CSMD1: variants seen among roughly 807,000 people sequenced by gnomAD.
CSMD1 encodes CUB and sushi domain-containing protein 1.
In CSMD1, 213 loss-of-function variants were observed where a neutral mutation model predicts 417.5. The ratio of observed to expected loss-of-function variants is 0.51; its 90% CI spans 0.46 to 0.57. CSMD1 has a LOEUF of 0.57. Ranked by LOEUF, CSMD1 falls within the 20% of genes least tolerant of loss-of-function variation. The pLI, the probability that CSMD1 is intolerant of heterozygous loss-of-function variation, is 0.00. For synonymous variants in CSMD1, 2,862 were observed against 1,736.8 expected, an observed-to-expected ratio of 1.65 and a Z score of -16.11; for missense variants, 6,923 against 4,529.7, an observed-to-expected ratio of 1.53 and a Z score of -15.17.
chr8:4,171,262 A>C (rs1797749915), intron 3 of CSMD1, among the ~76,000 whole-genome samples: 1 of 151,778 alleles, frequency 6.6e-6, no homozygotes, highest in African/African-American at 2.4e-5. Flanking sequence ...AGTTTTCCTA[A>C]CTCATTCATT....
At chr8:3,150,275 CCTA>C (rs1261816450) in intron 40 of CSMD1, among the ~76,000 whole-genome samples, 3 of 152,216 alleles carry the variant, frequency 2.0e-5, no homozygotes, top group Non-Finnish European at 2.9e-5. Context: ...ACCGTGGCCT[CCTA>C]CAGATCACTG....
Position 2,957,753 on chromosome 8 carries a change from T to G in CSMD1, c.9757A>C (p.Thr3253Pro). The G allele has an allele frequency of 6.3e-7, 1 of 1,599,938 alleles. No individual in the cohort carries two copies. Residue 3253 changes from threonine to proline, a missense_variant, in exon 63 of 70, where the codon ACG becomes CCG. Physicochemically the swap from Thr to Pro is conservative, Grantham distance 38. Coordinates refer to ENST00000635120, the MANE Select transcript of CSMD1 (RefSeq NM_033225.6). Reference protein sequence around the residue: ...CRKGYHIQGSTTRTCLANLTW... With the variant: ...CRKGYHIQGSPTRTCLANLTW... ...AAATTGGCAAGGCAGGTGCGAGTCG[T>G]GGAACCTTGAATATGGTAGCCTTTT...
In CSMD1 at chr8:4,690,468, T is replaced by A. The variant is rs78779674; in HGVS notation, c.86-52910A>T. ...GAATTTAAGGAAATATCAAAATTTGTATTTTAAAAGTTTTACTGGGTAATA... is the reference window on the plus strand; with the variant it reads ...GAATTTAAGGAAATATCAAAATTTGAATTTTAAAAGTTTTACTGGGTAATA... On this transcript the variant is annotated intron_variant, in intron 1 of 69. Coordinates refer to ENST00000635120, the MANE Select transcript of CSMD1 (RefSeq NM_033225.6). Among the ~76,000 whole-genome samples the A allele has an allele frequency of 6.4e-3, 976 of 152,306 alleles. 46 individuals carry two copies. In the East Asian group the frequency reaches 0.14, roughly 22 times the overall value.
intron 26 of CSMD1, among the ~76,000 whole-genome samples, chr8:3,261,497 C>T (rs929854738): frequency 4.6e-5 from 7 of 152,014 alleles, no homozygotes. Context: ...CACCTGAACC[C>T]CAAAAACTTA....
intron 3 of CSMD1, among the ~76,000 whole-genome samples, chr8:4,382,852 G>A (rs1445445696): frequency 1.3e-5 from 2 of 152,256 alleles, no homozygotes; most frequent in Non-Finnish European, 1.5e-5. Flanking sequence ...TACACATTTT[G>A]CCTACAAGGA....
chr8:4,983,664 G>A lies in CSMD1; in HGVS notation c.85+10668C>T, dbSNP rs149596289. Reference sequence around the variant, plus strand: ...CAACCTCCCATGTAGCTTGGATTACGGGTGCCAGCCACCACACCCAGCTAA... The same window carrying A: ...CAACCTCCCATGTAGCTTGGATTACAGGTGCCAGCCACCACACCCAGCTAA... On this transcript the variant is annotated intron_variant, in intron 1 of 69. Transcript: ENST00000635120. Among the ~76,000 whole-genome samples the A allele has an allele frequency of 8.7e-3, 1,328 of 152,140 alleles. 26 individuals are homozygous for A. The highest frequency in any genetic ancestry group is 0.029 in the African/African-American group (1,219 of 41,510).
intron 59 of CSMD1, 151 bp downstream of exon 59, chr8:2,965,624 T>A (rs1020498327): frequency 8.9e-5 from 56 of 630,156 alleles, no homozygotes; most frequent in Admixed American, 5.9e-5. Context: ...TAAAGTATTA[T>A]AAAAATAAAG....
chr8:4,065,887 G>C (rs1346271739), intron 3 of CSMD1, among the ~76,000 whole-genome samples: 2 of 152,142 alleles, frequency 1.3e-5, no homozygotes, highest in African/African-American at 2.4e-5. Flanking sequence ...CCATAAGAAA[G>C]ACTGCTCAAA....
chr8:4,220,494 G>A (rs192537916), intron 3 of CSMD1, among the ~76,000 whole-genome samples: 60 of 152,234 alleles, frequency 3.9e-4, no homozygotes, highest in African/African-American at 1.4e-3. Context: ...ATCACTTTGT[G>A]TAAGAAATAT....
chr8:3,102,319 G>C (rs1293760148), intron 46 of CSMD1, among the ~76,000 whole-genome samples: 2 of 152,160 alleles, frequency 1.3e-5, no homozygotes, highest in East Asian at 1.9e-4. Flanking sequence ...ATGATGAGTT[G>C]TTTAGAGAAT....
intron 41 of CSMD1, among the ~76,000 whole-genome samples, chr8:3,133,732 G>A (rs1817922161): frequency 1.3e-5 from 2 of 152,154 alleles, no homozygotes; most frequent in African/African-American, 4.8e-5. Flanking sequence ...GCTGGCTCAG[G>A]ACCTACAGGT....
chr8:4,686,458 G>C (rs1584944778), intron 1 of CSMD1, among the ~76,000 whole-genome samples: 1 of 152,324 alleles, frequency 6.6e-6, no homozygotes, highest in East Asian at 1.9e-4. Flanking sequence ...CCTTGTGCGA[G>C]AGGGGGCCTC....
chr8:3,462,706 C>G (rs895390348), intron 12 of CSMD1, among the ~76,000 whole-genome samples: 2 of 152,166 alleles, frequency 1.3e-5, no homozygotes, highest in Non-Finnish European at 1.5e-5. Flanking sequence ...ATGCAATGCA[C>G]TTCAGTCACC....
chr8:4,386,790 C>T (rs1363980752), intron 3 of CSMD1, among the ~76,000 whole-genome samples: 1 of 152,026 alleles, frequency 6.6e-6, no homozygotes. Context: ...TGAAGAGATA[C>T]AATAAAAAAA....
chr8:4,330,930 T>A (rs1439161486), intron 3 of CSMD1, among the ~76,000 whole-genome samples: 1 of 152,110 alleles, frequency 6.6e-6, no homozygotes, highest in Non-Finnish European at 1.5e-5. Context: ...TTGGATTCAC[T>A]TTTCCCCATG....
chr8:3,588,818 G>A (rs1800714418), intron 8 of CSMD1, among the ~76,000 whole-genome samples: 1 of 152,088 alleles, frequency 6.6e-6, no homozygotes, highest in Non-Finnish European at 1.5e-5. Context: ...GAAGATGCTG[G>A]AGAACAAAAT....
intron 5 of CSMD1, among the ~76,000 whole-genome samples, chr8:3,887,458 A>T (rs978113545): frequency 6.6e-6 from 1 of 152,212 alleles, no homozygotes; most frequent in Non-Finnish European, 1.5e-5. Context: ...AAGTGGGGCT[A>T]ATTTTGTTCT....
intron 19 of CSMD1, among the ~76,000 whole-genome samples, chr8:3,368,029 A>T (rs534904443): frequency 1.3e-5 from 2 of 152,344 alleles, no homozygotes; most frequent in African/African-American, 2.4e-5. Context: ...ATGACCTCAT[A>T]GTAACCGGAA....
intron 10 of CSMD1, among the ~76,000 whole-genome samples, chr8:3,514,173 T>C (rs558346682): frequency 9.2e-5 from 14 of 152,324 alleles, no homozygotes; most frequent in Admixed American, 5.9e-4. Flanking sequence ...TCATAGCTTG[T>C]TCCCCAATCC....
Sources: gnomAD v4.1 joint callset for allele counts (sites outside exome capture counted in the v4.1 genomes callset) on GRCh38, gnomAD v4.1.1 for gene constraint, MANE v1.5 for transcripts, NCBI Gene and HGNC (gene_info 2026-07-23, HGNC 2026-07-21) for gene names.